Variants in FNTB observed in about 807,000 individuals in gnomAD.
FNTB encodes the protein farnesyltransferase, CAAX box, subunit beta, also known as protein farnesyltransferase subunit beta.
In FNTB, 27 loss-of-function variants were observed where a neutral mutation model predicts 59.4. The observed-to-expected ratio is 0.45, with a 90% confidence interval of 0.34 to 0.63. FNTB has a LOEUF of 0.63. FNTB is among the 20% of genes least tolerant of loss of function. The pLI, the probability that FNTB is intolerant of heterozygous loss-of-function variation, is 0.02. For missense variants in FNTB, 449 were observed against 559.6 expected (o/e 0.80, Z 1.99); for synonymous variants, 230 against 220.7 (o/e 1.04, Z -0.37).
Position 65,027,006 on chromosome 14 carries a change from G to T in FNTB, c.375-447G>T, listed in dbSNP as rs1427501892. On this transcript the variant is annotated intron_variant, in intron 4 of 11. Transcript: ENST00000246166. This position sits in a 1 kb window ranked among gnomAD's most constrained non-coding sequence, Gnocchi z 5.7. Reference sequence around the variant, plus strand: ...CTAGGTGATGGATCCTGACTAGGATGGTTAGTGTGGAAAGAAGCAGTTGAG... The same window carrying T: ...CTAGGTGATGGATCCTGACTAGGATTGTTAGTGTGGAAAGAAGCAGTTGAG... 1.3e-5 allele frequency among the ~76,000 whole-genome samples: 2 copies of T among 152,148 alleles called. No homozygotes were observed. The highest frequency in any genetic ancestry group is 4.1e-4 in the South Asian group (2 of 4,830).
intron 4 of FNTB, among the ~76,000 whole-genome samples, chr14:65,024,208 A>C (rs895481618): frequency 3.9e-5 from 6 of 152,220 alleles, no homozygotes; most frequent in African/African-American, 1.2e-4. Flanking sequence ...AAGTTTGAGA[A>C]GCACTGATAC....
chr14:65,023,404 A>G lies in FNTB; in HGVS notation c.375-4049A>G, dbSNP rs374082064. ...CCTCAGCCATCACCTAAGAGTCCCAAGTAAACTCCTTATAAGGCTGAGAGG... is the reference window on the plus strand; with the variant it reads ...CCTCAGCCATCACCTAAGAGTCCCAGGTAAACTCCTTATAAGGCTGAGAGG... On this transcript the variant is annotated intron_variant, in intron 4 of 11. Coordinates refer to ENST00000246166, the MANE Select transcript of FNTB (RefSeq NM_002028.4). This position sits in a 1 kb window ranked among gnomAD's most constrained non-coding sequence, Gnocchi z 4.1. 1.8e-4 allele frequency among the ~76,000 whole-genome samples: 28 copies of G among 152,282 alleles called. No individual in the cohort carries two copies. The East Asian group carries it at 2.5e-3, about 14-fold the overall frequency.
At position 65,011,204 on chromosome 14, in the gene FNTB, G is replaced by T. The variant is rs1474735040; in HGVS notation, c.210-1113G>T. ...AGCATTTTGGGAGGCCAAGGCAGGG[G>T]ATTACCTGAGGTCAGGAGTTCAAGA... On this transcript the variant is annotated intron_variant, in intron 2 of 11. Transcript: ENST00000246166. This position sits in a 1 kb window ranked among gnomAD's most constrained non-coding sequence, Gnocchi z 4.0. Among the ~76,000 whole-genome samples, 1 of 152,190 alleles carries T rather than the reference G, an allele frequency of 6.6e-6. No homozygotes were observed. The highest frequency in any genetic ancestry group is 1.5e-5 in the Non-Finnish European group (1 of 68,032).
chr14:65,024,946 A>T (rs1051274044), intron 4 of FNTB, among the ~76,000 whole-genome samples: 1 of 151,868 alleles, frequency 6.6e-6, no homozygotes, highest in African/African-American at 2.4e-5. Context: ...TGTTTTTTTT[A>T]AATATGTAGA....
At chr14:65,038,437 C>T (rs1213363006) in intron 7 of FNTB, among the ~76,000 whole-genome samples, 4 of 150,008 alleles carry the variant, frequency 2.7e-5, no homozygotes, top group Admixed American at 2.7e-4. Context: ...AAAAATAATA[C>T]TGCCGGGTGC....
At chr14:64,998,202 G>T (rs1888473823) in intron 1 of FNTB, among the ~76,000 whole-genome samples, 1 of 152,160 alleles carries the variant, frequency 6.6e-6, no homozygotes. Flanking sequence ...CAACCTCTGA[G>T]CTGAAATTTA....
At position 65,062,189 on chromosome 14, in the gene FNTB, C is replaced by T. The variant is rs2062877452; in HGVS notation, c.*877C>T. On this transcript the variant is annotated 3_prime_UTR_variant, in exon 12 of 12. Coordinates refer to ENST00000246166, the MANE Select transcript of FNTB (RefSeq NM_002028.4). The surrounding 1 kb of genome is among the most constrained non-coding windows in gnomAD (Gnocchi z 4.3). ...TTTCTATCTTTCTTCCACCAGACTCCAAGCCCACTCTCCTCCAAGACTGTG... is the reference window on the plus strand; with the variant it reads ...TTTCTATCTTTCTTCCACCAGACTCTAAGCCCACTCTCCTCCAAGACTGTG... The T allele has an allele frequency of 6.6e-6, 1 of 152,434 alleles. No homozygotes were observed. Among genetic ancestry groups the T allele is most frequent in the South Asian group, 2.1e-4 (1 of 4,838 alleles). 9.4% of individuals were successfully genotyped at this position (152,434 alleles called of 1,614,324 possible).
rs1007995490 is a variant in FNTB at position 65,044,113 on chromosome 14, C to T, written c.823-198C>T. 2.6e-5 allele frequency among the ~76,000 whole-genome samples: 4 copies of T among 152,096 alleles called. No individual in the cohort carries two copies. Among genetic ancestry groups the T allele is most frequent in the Admixed American group, 6.5e-5 (1 of 15,268 alleles). ...AGATCAGTGCTGGATGCCTCTACAG[C>T]GTTGGCTTAAATGCTTCACTCTGTG... On this transcript the variant is annotated intron_variant, in intron 8 of 11. Coordinates refer to ENST00000246166, the MANE Select transcript of FNTB (RefSeq NM_002028.4). This position sits in a 1 kb window ranked among gnomAD's most constrained non-coding sequence, Gnocchi z 5.5.
intron 3 of FNTB, among the ~76,000 whole-genome samples, chr14:65,015,172 G>C (rs192329912): frequency 1.8e-4 from 27 of 150,478 alleles, no homozygotes; most frequent in African/African-American, 6.3e-4. Flanking sequence ...GTGCCATCTC[G>C]GCTCACTGCA....
At position 65,048,779 on chromosome 14, in the gene FNTB, T is replaced by C. The variant is rs552587083; in HGVS notation, c.955+4336T>C. Among the ~76,000 whole-genome samples the C allele has an allele frequency of 4.0e-5, 6 of 151,840 alleles. No individual in the cohort carries two copies. The East Asian group carries it at 7.8e-4, about 20-fold the overall frequency. ...CTGAGGTAGAAGGATCACTTGAGTC[T>C]GGGAGGCAGAGGTTGCAGGCAGAGA... On this transcript the variant is annotated intron_variant, in intron 9 of 11. Coordinates refer to ENST00000246166, the MANE Select transcript of FNTB (RefSeq NM_002028.4).
In FNTB at chr14:65,061,889, G is replaced by A. The variant is rs923690866; in HGVS notation, c.*577G>A. On this transcript the variant is annotated 3_prime_UTR_variant, in exon 12 of 12. Transcript: ENST00000246166. Reference sequence around the variant, plus strand: ...GGGGAGAGAAAGATCTCCTTCAGTTGGGAGTCCTTCCACTTCAACACTGGA... The same window carrying A: ...GGGGAGAGAAAGATCTCCTTCAGTTAGGAGTCCTTCCACTTCAACACTGGA... The A allele has an allele frequency of 1.3e-5, 2 of 154,824 alleles. No individual in the cohort carries two copies. The highest frequency in any genetic ancestry group is 4.8e-5 in the African/African-American group (2 of 41,482). The allele number at this position is 154,824 out of a possible 1,614,324, so 9.6% of individuals were successfully genotyped here.
chr14:65,034,985 C>CATG (rs2139599162), intron 7 of FNTB, among the ~76,000 whole-genome samples: 1 of 152,380 alleles, frequency 6.6e-6, no homozygotes, highest in Non-Finnish European at 1.5e-5. Flanking sequence ...AACTGTCACT[C>CATG]ATGCAGCAGC....
chr14:65,023,192 G>A lies in FNTB; in HGVS notation c.375-4261G>A, dbSNP rs1162013721. Among the ~76,000 whole-genome samples the A allele has an allele frequency of 1.3e-5, 2 of 152,124 alleles. No individual in the cohort carries two copies. Among genetic ancestry groups the A allele is most frequent in the Non-Finnish European group, 2.9e-5 (2 of 68,018 alleles). On this transcript the variant is annotated intron_variant, in intron 4 of 11. Transcript: ENST00000246166. The surrounding 1 kb of genome is among the most constrained non-coding windows in gnomAD (Gnocchi z 4.1). ...TCCCACCTCAGCCTCCTGAGTAGCT[G>A]GGGCTAGAGGTGGGTGCCAACGTGC...
chr14:65,051,943 C>A (rs562457158), intron 9 of FNTB, among the ~76,000 whole-genome samples: 1 of 151,812 alleles, frequency 6.6e-6, no homozygotes, highest in Non-Finnish European at 1.5e-5. Context: ...TACAGGCGCC[C>A]ACCACCATGT....
At position 65,001,160 on chromosome 14, in the gene FNTB, G is replaced by C. The variant is rs1231413862; in HGVS notation, c.145-3089G>C. Among the ~76,000 whole-genome samples the C allele has an allele frequency of 6.6e-6, 1 of 152,114 alleles. No homozygotes were observed. Among genetic ancestry groups the C allele is most frequent in the African/African-American group, 2.4e-5 (1 of 41,390 alleles). ...TTCTTTTCTCGATTGCAGTTACATT[G>C]TACTAGGAGGTATTATAAGTAATCT... On this transcript the variant is annotated intron_variant, in intron 1 of 11. Coordinates refer to ENST00000246166, the MANE Select transcript of FNTB (RefSeq NM_002028.4). This position sits in a 1 kb window ranked among gnomAD's most constrained non-coding sequence, Gnocchi z 5.5.
rs1027113351 is a variant in FNTB at position 64,990,098 on chromosome 14, GCAGAATGC to G, written c.144+3005_144+3012del. 1.3e-5 allele frequency among the ~76,000 whole-genome samples: 2 copies of G among 152,218 alleles called. No homozygotes were observed. Among genetic ancestry groups the G allele is most frequent in the Non-Finnish European group, 2.9e-5 (2 of 68,040 alleles). On this transcript the variant is annotated intron_variant, in intron 1 of 11. Transcript: ENST00000246166. This position sits in a 1 kb window ranked among gnomAD's most constrained non-coding sequence, Gnocchi z 5.2. ...GCAGCAAGCACAAAGGACCAAGGCAGCAGAATGCCAGGTGAGCAGGGGGCTTAGCAAAC... is the reference window on the plus strand; with the variant it reads ...GCAGCAAGCACAAAGGACCAAGGCAGCAGGTGAGCAGGGGGCTTAGCAAAC...
chr14:65,054,756 T>G lies in FNTB; in HGVS notation c.1182+67T>G. 6.7e-7 allele frequency: 1 copy of G among 1,495,978 alleles called. No homozygotes were observed. Among genetic ancestry groups the G allele is most frequent in the Non-Finnish European group, 9.1e-7 (1 of 1,098,294 alleles). The allele number at this position is 1,495,978 out of a possible 1,614,324, so 92.7% of individuals were successfully genotyped here. On this transcript the variant is annotated intron_variant, in intron 11 of 11. Transcript: ENST00000246166. This position sits in a 1 kb window ranked among gnomAD's most constrained non-coding sequence, Gnocchi z 4.4. ...CCTCGCGGACAGAAGGCTTTCCAAG[T>G]AAGCAGAACTGGCTCTGCATTTCCT...
chr14:65,020,016 GCT>G (rs779349104), intron 4 of FNTB, among the ~76,000 whole-genome samples: 2 of 152,134 alleles, frequency 1.3e-5, no homozygotes, highest in Non-Finnish European at 2.9e-5. Context: ...AAAAAGTCTA[GCT>G]CTGCAGTTTT....
chr14:65,005,908 C>G (rs2061579488), intron 2 of FNTB, among the ~76,000 whole-genome samples: 1 of 152,154 alleles, frequency 6.6e-6, no homozygotes, highest in Non-Finnish European at 1.5e-5. Flanking sequence ...GAGATTACAG[C>G]TGTGAGCCAT....
Sources: allele counts gnomAD v4.1 joint callset (sites outside exome capture counted in the v4.1 genomes callset), GRCh38; gene constraint gnomAD v4.1.1; non-coding constraint Gnocchi (gnomAD v3.1); transcripts MANE v1.5; gene names NCBI Gene and HGNC (gene_info 2026-07-23, HGNC 2026-07-21).